ADCK2: variants seen among roughly 807,000 people sequenced by gnomAD.
The protein encoded by ADCK2 is aarF domain containing kinase 2.
A neutral mutation model predicts 52.3 loss-of-function variants in ADCK2; 37 were observed. That is an observed-to-expected ratio of 0.71 (90% CI 0.54 to 0.93). The LOEUF (loss-of-function observed/expected upper bound fraction) is 0.93, where lower values mean the gene tolerates loss of function less well. ADCK2 is among the 40% of genes least tolerant of loss of function. The pLI is 0.00. For missense variants in ADCK2, 695 were observed against 798.7 expected, an observed-to-expected ratio of 0.87 and a Z score of 1.56; for synonymous variants, 321 against 349.2, an observed-to-expected ratio of 0.92 and a Z score of 0.90.
chr7:140,693,795 T>C lies in ADCK2; in HGVS notation c.1741-868T>C, dbSNP rs2968551. On this transcript the variant is annotated intron_variant, in intron 7 of 7. Coordinates refer to ENST00000072869, the MANE Select transcript of ADCK2 (RefSeq NM_052853.4). This position sits in a 1 kb window ranked among gnomAD's most constrained non-coding sequence, Gnocchi z 4.0. ...AGCCATCCTGGCTCACTGCAAGCTC[T>C]GCCTCCCGAGTTCAGGCCATTCTCC... is the stretch of plus-strand genomic sequence containing the variant. Among the ~76,000 whole-genome samples the C allele has an allele frequency of 0.3, 45,851 of 152,030 alleles. 10,854 individuals carry two copies. Among genetic ancestry groups the C allele is most frequent in the African/African-American group, 0.67 (27,554 of 41,416 alleles).
intron 3 of ADCK2, among the ~76,000 whole-genome samples, chr7:140,679,976 G>A (rs1794488728): frequency 6.6e-6 from 1 of 152,000 alleles, no homozygotes; most frequent in African/African-American, 2.4e-5. Flanking sequence ...ACCCAGCCCA[G>A]CCTCCTCTTT....
At chr7:140,682,908 G>A (rs1396590227) in intron 4 of ADCK2, among the ~76,000 whole-genome samples, 1 of 150,374 alleles carries the variant, frequency 6.7e-6, no homozygotes, top group Non-Finnish European at 1.5e-5. Context: ...GGAGGCTGAG[G>A]TGGGATCACC....
At chr7:140,679,608 T>C (rs962270396) in intron 3 of ADCK2, among the ~76,000 whole-genome samples, 2 of 150,876 alleles carry the variant, frequency 1.3e-5, no homozygotes, top group African/African-American at 4.9e-5. Context: ...CTGAACAACC[T>C]TGTGTCATCT....
At position 140,687,113 on chromosome 7, in the gene ADCK2, G is replaced by T. The variant is rs544359320; in HGVS notation, c.1429G>T (p.Val477Leu). ...LQQADICDTL[V>L]VAVPSSLCPL... ...GCAGGCGGACATCTGTGACACTCTG[G>T]TGGTGGCCGTGCCATCTTCCCTCTG... The change falls in exon 5 of 8, where the codon GTG becomes TTG. Residue 477 changes from valine (V) to leucine (L), a missense_variant. Coordinates refer to ENST00000072869, the MANE Select transcript of ADCK2 (RefSeq NM_052853.4). 12 of 1,613,892 alleles carry T rather than the reference G, an allele frequency of 7.4e-6. No individual in the cohort carries two copies. The highest frequency in any genetic ancestry group is 3.3e-5 in the South Asian group (3 of 91,066).
At chr7:140,680,991 G>A (rs773435878) in intron 3 of ADCK2, 51 bp from the exon 4 acceptor site, 2 of 1,548,656 alleles carry the variant, frequency 1.3e-6, no homozygotes, top group South Asian at 1.1e-5. Flanking sequence ...GGAGGAGCCA[G>A]CATCACAGGC....
At chr7:140,689,532 C>T (rs1794667912) in intron 5 of ADCK2, 65 bp from the exon 6 acceptor site, 1 of 1,513,254 alleles carries the variant, frequency 6.6e-7, no homozygotes, top group Admixed American at 2.1e-5. Context: ...GAGAAAGACG[C>T]TTGGGCACCG....
chr7:140,675,225 G>A (rs1227301681), intron 2 of ADCK2, among the ~76,000 whole-genome samples: 2 of 152,212 alleles, frequency 1.3e-5, no homozygotes, highest in African/African-American at 4.8e-5. Flanking sequence ...TGGCGACAGA[G>A]TGAGACTCCA....
At position 140,679,277 on chromosome 7, in the gene ADCK2, G is replaced by A. The variant is rs141910091; in HGVS notation, c.1203G>A (p.Thr401=). The change falls in exon 3 of 8, where the codon ACG becomes ACA. Residue 401 remains threonine (T), a synonymous_variant. Coordinates refer to ENST00000072869, the MANE Select transcript of ADCK2 (RefSeq NM_052853.4). Reference sequence around the variant, plus strand: ...TCACCAGAGAAGTCTTGGTGGAAACGTATGAAGTAAGAGTGATGGCTTTGC... The same window carrying A: ...TCACCAGAGAAGTCTTGGTGGAAACATATGAAGTAAGAGTGATGGCTTTGC... ...PFVTREVLVE[T]YEESVPVSSY... The A allele has an allele frequency of 2.3e-4, 367 of 1,613,938 alleles. 2 individuals are homozygous for A. In the South Asian group the frequency reaches 3.0e-3, roughly 13 times the overall value.
chr7:140,683,346 T>A (rs1178666586), intron 4 of ADCK2, among the ~76,000 whole-genome samples: 1 of 152,152 alleles, frequency 6.6e-6, no homozygotes, highest in African/African-American at 2.4e-5. Context: ...AGGAATGCCC[T>A]AATGTCACAA....
chr7:140,685,295 A>G (rs1794586864), intron 4 of ADCK2, among the ~76,000 whole-genome samples: 2 of 151,910 alleles, frequency 1.3e-5, no homozygotes, highest in African/African-American at 4.8e-5. Context: ...CTAAAAACAC[A>G]AAAAATTAGC....
intron 2 of ADCK2, among the ~76,000 whole-genome samples, chr7:140,675,169 A>G (rs758122573): frequency 6.6e-6 from 1 of 152,164 alleles, no homozygotes; most frequent in Non-Finnish European, 1.5e-5. Context: ...CTTGAACCCA[A>G]GATGGAGGTT....
At position 140,694,749 on chromosome 7, in the gene ADCK2, C is replaced by G; in HGVS notation, c.1827C>G (p.Asp609Glu). 1 of 1,614,114 alleles carries G rather than the reference C, an allele frequency of 6.2e-7. No homozygotes were observed. The highest frequency in any genetic ancestry group is 2.2e-5 in the East Asian group (1 of 44,878). ...GLGRSLDPKL[D>E]ILEAARPFLL... is the part of the protein sequence containing the mutation. ...GCCGCTCACTGGACCCCAAACTGGA[C>G]ATCCTGGAGGCAGCGAGGCCCTTCC... Residue 609 changes from aspartate to glutamate, a missense_variant, in exon 8 of 8, where the codon GAC becomes GAG. Transcript: ENST00000072869.
chr7:140,694,263 G>GAC (rs1346895388), intron 7 of ADCK2, among the ~76,000 whole-genome samples: 1 of 152,166 alleles, frequency 6.6e-6, no homozygotes, highest in Non-Finnish European at 1.5e-5. Flanking sequence ...CAGCCTAGGT[G>GAC]ACAGAGTGAG....
chr7:140,679,103 A>G, intron 2 of ADCK2, 52 bp from the exon 3 acceptor site: 2 of 1,599,810 alleles, frequency 1.3e-6, no homozygotes, highest in South Asian at 2.2e-5. Context: ...TGCAGATGTC[A>G]CTGTGCCTGT....
intron 4 of ADCK2, among the ~76,000 whole-genome samples, chr7:140,681,541 C>T (rs943495931): frequency 5.3e-5 from 8 of 151,360 alleles, no homozygotes; most frequent in Middle Eastern, 6.9e-3. Flanking sequence ...AGGATGGTGT[C>T]GATCTCCTGA....
Position 140,687,025 on chromosome 7 carries a change from C to A in ADCK2, c.1341C>A (p.His447Gln), listed in dbSNP as rs369891942. The A allele has an allele frequency of 1.2e-6, 2 of 1,614,152 alleles. No individual in the cohort carries two copies. The highest frequency in any genetic ancestry group is 1.7e-6 in the Non-Finnish European group (2 of 1,180,022). ...ATAACTTTGTCCATGCAGACCTTCACCCTGGAAACATCCTGGTTCAGGGTG... is the reference window on the plus strand; with the variant it reads ...ATAACTTTGTCCATGCAGACCTTCAACCTGGAAACATCCTGGTTCAGGGTG... ...FVDNFVHADL[H>Q]PGNILVQGAN... The change falls in exon 5 of 8, where the codon CAC (histidine) becomes CAA (glutamine). Residue 447 changes from histidine to glutamine, a missense_variant. His to Gln is a conservative substitution (Grantham distance 24). Transcript: ENST00000072869.
chr7:140,679,662 CTTTTTTTTTTT>C lies in ADCK2; in HGVS notation c.1209+397_1209+407del, dbSNP rs57302302. On this transcript the variant is annotated intron_variant, in intron 3 of 7. Coordinates refer to ENST00000072869, the MANE Select transcript of ADCK2 (RefSeq NM_052853.4). ...TCTACTCTAGTTCAGCCTTCTCTCT[CTTTTTTTTTTT>C]TTTTTTTTTTTTTTTTTGAGATAGA... is the stretch of plus-strand genomic sequence containing the variant. 1.3e-4 allele frequency among the ~76,000 whole-genome samples: 10 copies of C among 75,370 alleles called. No homozygotes were observed. The South Asian group carries it at 1.8e-3, about 14-fold the overall frequency. 49.4% of individuals were successfully genotyped at this position (75,370 alleles called of 152,430 possible).
At chr7:140,684,848 G>A (rs1794578880) in intron 4 of ADCK2, among the ~76,000 whole-genome samples, 1 of 152,282 alleles carries the variant, frequency 6.6e-6, no homozygotes, top group Middle Eastern at 3.4e-3. Flanking sequence ...CAGGATTGTT[G>A]AGGCACACCT....
rs766354872 is a variant in ADCK2 at position 140,674,764 on chromosome 7, TCTC to T, written c.1080+12_1080+14del. ...GAAGCTGATGGTCCAACAGGTGAGTTCTCCTCCCCTCAGCTGTAAATAGCACCT... is the reference window on the plus strand; with the variant it reads ...GAAGCTGATGGTCCAACAGGTGAGTTCTCCCCTCAGCTGTAAATAGCACCT... On this transcript the variant is annotated splice_region_variant and intron_variant, in intron 2 of 7. Coordinates refer to ENST00000072869, the MANE Select transcript of ADCK2 (RefSeq NM_052853.4). This position sits in a 1 kb window ranked among gnomAD's most constrained non-coding sequence, Gnocchi z 4.6. 22 of 1,613,054 alleles carry T rather than the reference TCTC, an allele frequency of 1.4e-5. No homozygotes were observed. Among genetic ancestry groups the T allele is most frequent in the Middle Eastern group, 3.3e-4 (2 of 6,058 alleles).
Sources: gnomAD v4.1 joint callset for allele counts (sites outside exome capture counted in the v4.1 genomes callset) on GRCh38, gnomAD v4.1.1 for gene constraint, Gnocchi (gnomAD v3.1) non-coding constraint, MANE v1.5 for transcripts, NCBI Gene and HGNC (gene_info 2026-07-23, HGNC 2026-07-21) for gene names.